The following DIAPH2 variants were observed in gnomAD, a reference collection of about 807,000 sequenced individuals.
DIAPH2 encodes the protein protein diaphanous homolog 2.
In DIAPH2, 35 loss-of-function variants were observed where a neutral mutation model predicts 92.7. The ratio of observed to expected loss-of-function variants is 0.38; its 90% CI spans 0.29 to 0.50. The LOEUF (loss-of-function observed/expected upper bound fraction) is 0.50. Among genes scored for constraint, DIAPH2 ranks in the 20% least tolerant of loss-of-function variants. The pLI is 0.94. For synonymous variants in DIAPH2, 301 were observed against 280.4 expected, an observed-to-expected ratio of 1.07 and a Z score of -0.73; for missense variants, 701 against 819.5, an observed-to-expected ratio of 0.86 and a Z score of 1.77.
At chrX:97,515,757 A>C (rs775492817) in intron 26 of DIAPH2, among the ~76,000 whole-genome samples, 226 of 110,228 alleles carry the variant, frequency 2.1e-3, no homozygotes, top group African/African-American at 6.9e-3. Flanking sequence ...TGAAGGTTTT[A>C]TGGCCTGCTT....
rs1385495351 is a variant in DIAPH2 at position 96,901,532 on chromosome X, G to GGT, written c.588-10796_588-10795insGT. Reference sequence around the variant, plus strand: ...GGATTTTGTTTGTTCTTTTCTTTCTGTTTTTTTTTTTTTTTTTTTTTTTTT... The same window carrying GGT: ...GGATTTTGTTTGTTCTTTTCTTTCTGGTTTTTTTTTTTTTTTTTTTTTTTTTT... On this transcript the variant is annotated intron_variant, in intron 5 of 26. Transcript: ENST00000324765. 7.2e-3 allele frequency among the ~76,000 whole-genome samples: 237 copies of GGT among 33,091 alleles called. 12 individuals carry two copies. The highest frequency in any genetic ancestry group is 0.024 in the African/African-American group (228 of 9,603). The allele number at this position is 33,091 out of a possible 115,157, so 28.7% of individuals were successfully genotyped here. A position where few individuals can be genotyped will look rare whatever the true frequency, so the allele number is the denominator to read the frequency against.
At chrX:97,518,239 G>A (rs2070964380) in intron 26 of DIAPH2, among the ~76,000 whole-genome samples, 1 of 111,732 alleles carries the variant, frequency 8.9e-6, no homozygotes, top group Non-Finnish European at 1.9e-5. Context: ...TTTTTGGTAA[G>A]CAGAGCTGGC....
chrX:96,868,145 T>C (rs1480786111), intron 4 of DIAPH2, among the ~76,000 whole-genome samples: 2 of 112,046 alleles, frequency 1.8e-5, no homozygotes, highest in Admixed American at 1.9e-4. Flanking sequence ...TTTTGATTGG[T>C]ATAGCATGCT....
Position 96,843,634 on chromosome X carries a change from G to A in DIAPH2, c.448-37945G>A, listed in dbSNP as rs755279444. On this transcript the variant is annotated intron_variant, in intron 4 of 26. Coordinates refer to ENST00000324765, the MANE Select transcript of DIAPH2 (RefSeq NM_006729.5). ...GCAAGACAAATGGAATTTATGGGGC[G>A]AAAAAAGAAAAAGAAAAAAACTTTA... 9.6e-4 allele frequency among the ~76,000 whole-genome samples: 106 copies of A among 110,615 alleles called. 1 individual carries two copies. The highest frequency in any genetic ancestry group is 3.1e-3 in the African/African-American group (96 of 30,499).
intron 23 of DIAPH2, among the ~76,000 whole-genome samples, chrX:97,307,918 AAAAAAAAAG>A (rs1036575525): frequency 2.8e-5 from 3 of 108,873 alleles, no homozygotes; most frequent in African/African-American, 1.0e-4. Context: ...CAAAAAAAAA[AAAAAAAAAG>A]AAAAAGAAAA....
At position 97,114,811 on chromosome X, in the gene DIAPH2, C is replaced by G; in HGVS notation, c.2435C>G (p.Pro812Arg). 8.3e-7 allele frequency: 1 copy of G among 1,211,095 alleles called. No individual in the cohort carries two copies. The highest frequency in any genetic ancestry group is 1.7e-5 in the African/African-American group (1 of 57,776). The change falls in exon 21 of 27, where the codon CCA becomes CGA. Residue 812 changes from proline (P) to arginine (R), a missense_variant. Physicochemically the swap from Pro to Arg is moderately radical, Grantham distance 103. Around this residue, in one of 3 missense-constraint regions of DIAPH2, gnomAD observed 536 missense variants for 599.3 expected, o/e 0.89. Transcript: ENST00000324765. ...GAAGAACACATAAACAACATCAAAC[C>G]AAGCATCATAGCAGTAACTCTTGCC... ...TFEEHINNIK[P>R]SIIAVTLACE...
At chrX:96,793,714 C>T in intron 4 of DIAPH2, 1 of 331,933 alleles carries the variant, frequency 3.0e-6, no homozygotes, top group Admixed American at 3.1e-5. Context: ...TCATCTAAAC[C>T]TAATTACTTC....
At chrX:96,775,522 A>G (rs750890048) in intron 4 of DIAPH2, among the ~76,000 whole-genome samples, 1 of 110,727 alleles carries the variant, frequency 9.0e-6, no homozygotes, top group East Asian at 2.8e-4. Flanking sequence ...CTCCAAAGAT[A>G]GCTCTTCATC....
At chrX:97,150,129 G>A (rs1430424565) in intron 22 of DIAPH2, among the ~76,000 whole-genome samples, 7 of 111,335 alleles carry the variant, frequency 6.3e-5, no homozygotes, top group Non-Finnish European at 1.3e-4. Context: ...GATCTCTAGA[G>A]CTTATTCATC....
intron 22 of DIAPH2, among the ~76,000 whole-genome samples, chrX:97,218,646 G>A (rs771482468): frequency 1.8e-5 from 2 of 110,364 alleles, no homozygotes; most frequent in Admixed American, 1.9e-4. Flanking sequence ...TTGTATCCTT[G>A]GAGGAACTGG....
At chrX:96,702,633 G>A (rs377508331) in intron 1 of DIAPH2, among the ~76,000 whole-genome samples, 4 of 112,246 alleles carry the variant, frequency 3.6e-5, no homozygotes, top group Admixed American at 1.9e-4. Flanking sequence ...GGCATTGTCT[G>A]TAGTGAGAAA....
At chrX:96,882,747 A>G (rs1246423895) in intron 5 of DIAPH2, among the ~76,000 whole-genome samples, 4 of 109,545 alleles carry the variant, frequency 3.7e-5, no homozygotes, top group African/African-American at 1.3e-4. Flanking sequence ...GCTTGAGTCC[A>G]GGAGTTCGAG....
At chrX:97,320,305 C>T (rs778536112) in intron 23 of DIAPH2, among the ~76,000 whole-genome samples, 1 of 109,563 alleles carries the variant, frequency 9.1e-6, no homozygotes, top group South Asian at 3.9e-4. Flanking sequence ...TGAGTGTTAC[C>T]TCTAAATTAA....
chrX:96,969,478 ATTT>A (rs145025686), intron 17 of DIAPH2, among the ~76,000 whole-genome samples: 2 of 95,558 alleles, frequency 2.1e-5, no homozygotes, highest in African/African-American at 7.7e-5. Context: ...TAGGTATTTC[ATTT>A]TTTTTTTTTT....
At chrX:97,101,713 A>T (rs2066907076) in intron 20 of DIAPH2, among the ~76,000 whole-genome samples, 1 of 112,416 alleles carries the variant, frequency 8.9e-6, no homozygotes, top group Non-Finnish European at 1.9e-5. Context: ...TTAAATAGAC[A>T]GTAAATAAAT....
chrX:97,245,508 C>T (rs190111060), intron 22 of DIAPH2, among the ~76,000 whole-genome samples: 17 of 110,341 alleles, frequency 1.5e-4, no homozygotes, highest in Non-Finnish European at 2.3e-4. Flanking sequence ...CCTGGGCCCA[C>T]GTGATCCTCC....
At position 96,912,420 on chromosome X, in the gene DIAPH2, A is replaced by G. The variant is rs1218521199; in HGVS notation, c.662+18A>G. 1 of 1,200,256 alleles carries G rather than the reference A, an allele frequency of 8.3e-7. No homozygotes were observed. Among genetic ancestry groups the G allele is most frequent in the South Asian group, 1.8e-5 (1 of 54,958 alleles). On this transcript the variant is annotated intron_variant, in intron 6 of 26. Transcript: ENST00000324765. ...AAAAAACAGTAAGAATAAACACTGA[A>G]ATTAAAATCACCAAAGGGAAAATGT...
intron 26 of DIAPH2, chrX:97,431,725 G>C (rs1738163687): frequency 8.9e-6 from 1 of 112,236 alleles, no homozygotes; most frequent in Non-Finnish European, 1.9e-5. Context: ...AACGAAACTC[G>C]AATGCAGACA....
intron 26 of DIAPH2, among the ~76,000 whole-genome samples, chrX:97,530,474 A>G (rs752639901): frequency 3.6e-5 from 4 of 111,615 alleles, no homozygotes; most frequent in Admixed American, 1.9e-4. Context: ...AACTTCACCT[A>G]TTTGTTCGTT....
Sources: allele counts gnomAD v4.1 joint callset (sites outside exome capture counted in the v4.1 genomes callset), GRCh38; gene constraint gnomAD v4.1.1; regional missense constraint gnomAD v4.1.1; transcripts MANE v1.5; gene names NCBI Gene and HGNC (gene_info 2026-07-23, HGNC 2026-07-21).